TACR1: variants seen among roughly 807,000 people sequenced by gnomAD.
TACR1 encodes the protein tachykinin receptor 1.
TACR1 carries 25 observed loss-of-function variants against 35.8 expected under a neutral mutation model. That is an observed-to-expected ratio of 0.70 (90% CI 0.51 to 0.98). The LOEUF is 0.98. Among genes scored for constraint, TACR1 ranks in the 50% least tolerant of loss-of-function variants. The pLI, the probability that TACR1 is intolerant of heterozygous loss-of-function variation, is 0.00. For synonymous variants in TACR1, 195 were observed against 206.7 expected (o/e 0.94, Z 0.48); for missense variants, 478 against 522.9 (o/e 0.91, Z 0.84).
chr2:75,164,119 A>T (rs1334869064), intron 1 of TACR1, among the ~76,000 whole-genome samples: 2 of 152,116 alleles, frequency 1.3e-5, no homozygotes, highest in Non-Finnish European at 2.9e-5. Context: ...CGAGGTCAGG[A>T]GATCAAGACC....
chr2:75,108,272 A>G (rs1461166387), intron 2 of TACR1, among the ~76,000 whole-genome samples: 2 of 152,174 alleles, frequency 1.3e-5, no homozygotes, highest in African/African-American at 2.4e-5. Flanking sequence ...ATCCTATGTA[A>G]TATAACTAGT....
intron 1 of TACR1, among the ~76,000 whole-genome samples, chr2:75,128,848 C>T (rs1674128101): frequency 6.6e-6 from 1 of 152,114 alleles, no homozygotes; most frequent in South Asian, 2.1e-4. Context: ...ATTTGGGACT[C>T]CACCCCTGAG....
chr2:75,051,097 G>T, intron 4 of TACR1, 154 bp downstream of exon 4: 2 of 932,292 alleles, frequency 2.1e-6, no homozygotes, highest in Non-Finnish European at 3.3e-6. Flanking sequence ...GTGATAATCA[G>T]CCAGGCTGAG....
intron 2 of TACR1, among the ~76,000 whole-genome samples, chr2:75,064,978 A>G (rs1219664186): frequency 1.3e-5 from 2 of 151,902 alleles, no homozygotes; most frequent in Non-Finnish European, 2.9e-5. Context: ...ACAGAAAGGG[A>G]CCTCCTGAAT....
intron 1 of TACR1, among the ~76,000 whole-genome samples, chr2:75,148,852 T>G (rs150945709): frequency 0.075 from 11,419 of 152,242 alleles, 883 homozygotes; most frequent in African/African-American, 0.2. Context: ...TTTATGGTTT[T>G]GGGTTTTACA....
chr2:75,178,523 ACCTTTCCCCATTGAAAAAAAAACAACTC>A (rs1284049550), intron 1 of TACR1, among the ~76,000 whole-genome samples: 1 of 148,612 alleles, frequency 6.7e-6, no homozygotes, highest in African/African-American at 2.5e-5. Context: ...ATGCTACAAT[ACCTTTCCCCATTGAAAAAAAAACAACTC>A]CCTTAAATCA....
intron 1 of TACR1, chr2:75,188,319 T>C (rs1675757097): frequency 6.6e-6 from 1 of 152,236 alleles, no homozygotes; most frequent in African/African-American, 2.4e-5. Context: ...TAATAAATCA[T>C]ACAAAGTGGG....
chr2:75,141,936 A>C (rs1185154331), intron 1 of TACR1, among the ~76,000 whole-genome samples: 2 of 152,190 alleles, frequency 1.3e-5, no homozygotes, highest in African/African-American at 4.8e-5. Context: ...ACTGTTCTAC[A>C]GTTTTCTAGG....
At chr2:75,123,928 G>C (rs1012350654) in intron 1 of TACR1, among the ~76,000 whole-genome samples, 7 of 152,062 alleles carry the variant, frequency 4.6e-5, no homozygotes, top group Non-Finnish European at 1.0e-4. Flanking sequence ...TGCTTATTTG[G>C]TTATAAGATA....
Position 75,198,618 on chromosome 2 carries a change from T to C in TACR1, c.317A>G (p.Lys106Arg). ...NEWYYGLFYC[K>R]FHNFFPIAAV... ...GGCGATGGGAAAGAAGTTGTGGAACTTGCAGTAGAACAGGCCGTAGTACCA... is the reference window on the plus strand; with the variant it reads ...GGCGATGGGAAAGAAGTTGTGGAACCTGCAGTAGAACAGGCCGTAGTACCA... Residue 106 changes from lysine to arginine, a missense_variant, in exon 1 of 5, where the codon AAG becomes AGG. Physicochemically the swap from Lys to Arg is conservative, Grantham distance 26. Coordinates refer to ENST00000305249, the MANE Select transcript of TACR1 (RefSeq NM_001058.4). The C allele has an allele frequency of 1.2e-6, 2 of 1,614,194 alleles. No homozygotes were observed. Among genetic ancestry groups the C allele is most frequent in the East Asian group, 4.5e-5 (2 of 44,884 alleles).
intron 2 of TACR1, chr2:75,090,836 A>G (rs1184402065): frequency 6.5e-6 from 1 of 153,960 alleles, no homozygotes; most frequent in African/African-American, 2.4e-5. Context: ...GTGTGGTCCC[A>G]GTTCAGAAGT....
At chr2:75,057,166 A>G (rs930072543) in intron 2 of TACR1, among the ~76,000 whole-genome samples, 4 of 152,220 alleles carry the variant, frequency 2.6e-5, no homozygotes, top group African/African-American at 7.2e-5. Flanking sequence ...AAGAATCACA[A>G]AAGAAGTGAA....
intron 2 of TACR1, among the ~76,000 whole-genome samples, chr2:75,105,376 G>A (rs374985923): frequency 3.3e-5 from 5 of 152,118 alleles, no homozygotes; most frequent in African/African-American, 1.2e-4. Flanking sequence ...TCTAGGGGCT[G>A]GAGGTGGAGG....
At chr2:75,122,125 C>G (rs1451959547) in intron 1 of TACR1, among the ~76,000 whole-genome samples, 1 of 152,148 alleles carries the variant, frequency 6.6e-6, no homozygotes, top group Non-Finnish European at 1.5e-5. Flanking sequence ...CAATAAGCAG[C>G]TCAAAACACA....
chr2:75,189,034 A>T (rs1013469495), intron 1 of TACR1: 2 of 152,184 alleles, frequency 1.3e-5, no homozygotes, highest in Non-Finnish European at 2.9e-5. Flanking sequence ...TCATGTCAAT[A>T]AAAAGGTAAA....
At chr2:75,162,810 TTTG>T (rs1355080526) in intron 1 of TACR1, among the ~76,000 whole-genome samples, 1 of 152,204 alleles carries the variant, frequency 6.6e-6, no homozygotes, top group Non-Finnish European at 1.5e-5. Context: ...ACTCAAAAAT[TTTG>T]TTGATGTTTC....
At chr2:75,122,760 A>C (rs1335638750) in intron 1 of TACR1, among the ~76,000 whole-genome samples, 2 of 152,148 alleles carry the variant, frequency 1.3e-5, no homozygotes, top group African/African-American at 4.8e-5. Context: ...AAAGGGCAAA[A>C]ACAACTCTCA....
At chr2:75,053,870 A>C (rs1484075708) in intron 2 of TACR1, 115 bp from the exon 3 acceptor site, 12 of 1,404,904 alleles carry the variant, frequency 8.5e-6, no homozygotes, top group Non-Finnish European at 1.2e-5. Flanking sequence ...AGCATATGCC[A>C]TTAATAAGCT....
intron 1 of TACR1, among the ~76,000 whole-genome samples, chr2:75,129,298 A>G (rs1391830007): frequency 6.6e-6 from 1 of 152,164 alleles, no homozygotes; most frequent in African/African-American, 2.4e-5. Context: ...CTGGTAAGCT[A>G]GTTAGGAAAA....
Sources: gnomAD v4.1 joint callset for allele counts (sites outside exome capture counted in the v4.1 genomes callset) on GRCh38, gnomAD v4.1.1 for gene constraint, MANE v1.5 for transcripts, NCBI Gene and HGNC (gene_info 2026-07-23, HGNC 2026-07-21) for gene names.